CHST10: variants seen among roughly 807,000 people sequenced by gnomAD.
CHST10 encodes carbohydrate sulfotransferase 10.
CHST10 carries 24 observed loss-of-function variants against 34.7 expected under a neutral mutation model. That is an observed-to-expected ratio of 0.69 (90% CI 0.50 to 0.97). The LOEUF (loss-of-function observed/expected upper bound fraction) is 0.97. Ranked by LOEUF, CHST10 falls within the 50% of genes least tolerant of loss-of-function variation. CHST10 has a pLI of 0.00. For synonymous variants in CHST10, 161 were observed against 169.3 expected (o/e 0.95, Z 0.38); for missense variants, 402 against 452.1 (o/e 0.89, Z 1.00).
intron 3 of CHST10, among the ~76,000 whole-genome samples, chr2:100,404,006 G>A (rs752157922): frequency 2.0e-5 from 3 of 152,216 alleles, no homozygotes; most frequent in Non-Finnish European, 4.4e-5. Flanking sequence ...GGCTCTGAGT[G>A]TAAATGCTCT....
In CHST10 at chr2:100,397,899, C is replaced by T. The variant is rs575710643; in HGVS notation, c.427+9G>A. On this transcript the variant is annotated intron_variant, in intron 5 of 6. Coordinates refer to ENST00000264249, the MANE Select transcript of CHST10 (RefSeq NM_004854.5). The stretch of plus-strand genomic sequence containing the variant: ...CTTCCCAGTGGACATTCAGTAGACC[C>T]ACACACACCATTTAGAACAATCAGC... The T allele has an allele frequency of 3.7e-6, 6 of 1,602,176 alleles. No homozygotes were observed. The highest frequency in any genetic ancestry group is 2.3e-5 in the South Asian group (2 of 88,784).
Position 100,415,050 on chromosome 2 carries a change from C to T in CHST10, c.-42G>A. 7.7e-7 allele frequency: 1 copy of T among 1,303,624 alleles called. No individual in the cohort carries two copies. The highest frequency in any genetic ancestry group is 1.0e-6 in the Non-Finnish European group (1 of 988,628). 80.8% of individuals were successfully genotyped at this position (1,303,624 alleles called of 1,614,324 possible). ...ATTCTCCTTCACGTACCTTCTGCAG[C>T]CTGGGGCTCACATTTCCTTGCTGTG... On this transcript the variant is annotated 5_prime_UTR_variant, in exon 2 of 7. Transcript: ENST00000264249.
In CHST10 at chr2:100,392,915, A is replaced by C; in HGVS notation, c.*330T>G. The C allele has an allele frequency of 3.5e-6, 1 of 286,758 alleles. No individual in the cohort carries two copies. Among genetic ancestry groups the C allele is most frequent in the Admixed American group, 4.6e-5 (1 of 21,564 alleles). 17.8% of individuals were successfully genotyped at this position (286,758 alleles called of 1,614,324 possible). A position where few individuals can be genotyped will look rare whatever the true frequency, so the allele number is the denominator to read the frequency against. On this transcript the variant is annotated 3_prime_UTR_variant, in exon 7 of 7. Coordinates refer to ENST00000264249, the MANE Select transcript of CHST10 (RefSeq NM_004854.5). The stretch of plus-strand genomic sequence containing the variant: ...ATCCCCTTCCTTAACACCTGAAGGA[A>C]ACGGCTCCTAACGCTGTGTGATGCT...
chr2:100,415,126 TAAA>T lies in CHST10; in HGVS notation c.-103-18_-103-16del. ...TCCTCTTGTCACTGGATAGGAAAAT[TAAA>T]AAAAAAAAAGCATTATTAAAAGTTA... On this transcript the variant is annotated splice_polypyrimidine_tract_variant and intron_variant, in intron 1 of 6. Transcript: ENST00000264249. 3.0e-6 allele frequency: 3 copies of T among 1,009,676 alleles called. No individual in the cohort carries two copies. Among genetic ancestry groups the T allele is most frequent in the East Asian group, 6.7e-5 (1 of 15,028 alleles). 62.5% of individuals were successfully genotyped at this position (1,009,676 alleles called of 1,614,324 possible). A position where few individuals can be genotyped will look rare whatever the true frequency, so the allele number is the denominator to read the frequency against.
intron 6 of CHST10, 142 bp from the exon 7 acceptor site, chr2:100,393,924 G>A (rs779745266): frequency 2.7e-5 from 17 of 636,230 alleles, no homozygotes; most frequent in South Asian, 1.6e-4. Context: ...CATTCCACAC[G>A]TCTCTTAATC....
At chr2:100,416,040 T>C in intron 1 of CHST10, among the ~76,000 whole-genome samples, 1 of 152,250 alleles carries the variant, frequency 6.6e-6, no homozygotes, top group African/African-American at 2.4e-5. Context: ...TAGTATAGTC[T>C]TATGGGACCA....
chr2:100,401,915 C>T (rs1675359585), intron 4 of CHST10, among the ~76,000 whole-genome samples: 1 of 152,164 alleles, frequency 6.6e-6, no homozygotes, highest in Admixed American at 6.5e-5. Context: ...GGAACAATTG[C>T]AACTTCAACC....
At chr2:100,410,824 C>A (rs1573198826) in intron 2 of CHST10, among the ~76,000 whole-genome samples, 1 of 152,018 alleles carries the variant, frequency 6.6e-6, no homozygotes, top group Non-Finnish European at 1.5e-5. Context: ...TGCCGAAGTC[C>A]AAAAACATTT....
At chr2:100,406,510 C>A in intron 3 of CHST10, 66 bp downstream of exon 3, 1 of 1,587,120 alleles carries the variant, frequency 6.3e-7, no homozygotes, top group Non-Finnish European at 8.6e-7. Context: ...TATGCATGTA[C>A]CTAGGAACAG....
chr2:100,406,807 C>G (rs1573192449), intron 2 of CHST10, 100 bp from the exon 3 acceptor site: 1 of 1,459,244 alleles, frequency 6.9e-7, no homozygotes, highest in East Asian at 2.3e-5. Context: ...AGTATCAGCA[C>G]AAATATTTCC....
intron 1 of CHST10, chr2:100,416,390 T>C (rs1676070792): frequency 6.6e-6 from 1 of 152,304 alleles, no homozygotes; most frequent in South Asian, 2.1e-4. Flanking sequence ...TTTGAGATTC[T>C]ATTCTTCAGG....
intron 4 of CHST10, among the ~76,000 whole-genome samples, chr2:100,401,949 C>G (rs4149516): frequency 0.16 from 23,882 of 152,094 alleles, 4,549 homozygotes; most frequent in African/African-American, 0.45. Flanking sequence ...ATGGGGGTTA[C>G]GAAGTGAGAG....
Position 100,417,657 on chromosome 2 carries a change from T to C in CHST10, c.-387A>G, listed in dbSNP as rs1439564308. Reference sequence around the variant, plus strand: ...CGGCCCCCTCGCGCCTATCCGGCCGTGCGCGCCGCCTGCCCGCGCGCGTCC... The same window carrying C: ...CGGCCCCCTCGCGCCTATCCGGCCGCGCGCGCCGCCTGCCCGCGCGCGTCC... On this transcript the variant is annotated 5_prime_UTR_variant, in exon 1 of 7. Coordinates refer to ENST00000264249, the MANE Select transcript of CHST10 (RefSeq NM_004854.5). 6.6e-6 allele frequency: 1 copy of C among 150,536 alleles called. No homozygotes were observed. The highest frequency in any genetic ancestry group is 2.4e-5 in the African/African-American group (1 of 41,212). 9.3% of individuals were successfully genotyped at this position (150,536 alleles called of 1,614,324 possible). A position where few individuals can be genotyped will look rare whatever the true frequency, so the allele number is the denominator to read the frequency against.
At chr2:100,406,107 T>C (rs1675560856) in intron 3 of CHST10, among the ~76,000 whole-genome samples, 1 of 152,194 alleles carries the variant, frequency 6.6e-6, no homozygotes, top group African/African-American at 2.4e-5. Flanking sequence ...CAAGACAACC[T>C]GAAGACATAC....
chr2:100,399,913 C>T (rs543747051), intron 4 of CHST10, among the ~76,000 whole-genome samples: 43 of 152,274 alleles, frequency 2.8e-4, no homozygotes, highest in African/African-American at 9.9e-4. Flanking sequence ...AGCGGCTGCC[C>T]GGGCCCTCCA....
intron 4 of CHST10, 126 bp downstream of exon 4, chr2:100,402,438 G>C (rs1334719442): frequency 5.6e-6 from 4 of 717,368 alleles, no homozygotes; most frequent in Admixed American, 2.2e-5. Context: ...ACATGGAGAA[G>C]TAACACAGGA....
rs1238464579 is a variant in CHST10 at position 100,395,439 on chromosome 2, G to A, written c.533+70C>T. On this transcript the variant is annotated intron_variant, in intron 6 of 6. Transcript: ENST00000264249. ...ATCTGCCAAGTACAGAACTCAGCCT[G>A]GGGTTTTCCCCAAATTTCTTCTCAG... 5.1e-6 allele frequency: 7 copies of A among 1,373,374 alleles called. No homozygotes were observed. The Admixed American group carries it at 1.2e-4, about 23-fold the overall frequency. The allele number at this position is 1,373,374 out of a possible 1,614,324, so 85.1% of individuals were successfully genotyped here.
Position 100,398,139 on chromosome 2 carries a change from T to C in CHST10, c.196A>G (p.Thr66Ala). The C allele has an allele frequency of 6.2e-7, 1 of 1,610,380 alleles. No homozygotes were observed. Among genetic ancestry groups the C allele is most frequent in the Non-Finnish European group, 8.5e-7 (1 of 1,178,192 alleles). ...TGGCTGTCTGGAAGCTCCTTCCCAG[T>C]TGGCTGCAGGTGACACAGAGCAGAA... ...EKHIPEELKP[T>A]GKELPDSQLV... The change falls in exon 5 of 7, where the codon ACT (threonine) becomes GCT (alanine). Residue 66 changes from threonine to alanine, a missense_variant. Physicochemically the swap from Thr to Ala is moderately conservative, Grantham distance 58. Transcript: ENST00000264249.
intron 5 of CHST10, among the ~76,000 whole-genome samples, chr2:100,397,645 TAA>T (rs1427850030): frequency 6.6e-6 from 1 of 152,168 alleles, no homozygotes; most frequent in Non-Finnish European, 1.5e-5. Flanking sequence ...GCGAGCCACC[TAA>T]AGTGAGGATC....
Sources: gnomAD v4.1 joint callset for allele counts (sites outside exome capture counted in the v4.1 genomes callset) on GRCh38, gnomAD v4.1.1 for gene constraint, MANE v1.5 for transcripts, NCBI Gene and HGNC (gene_info 2026-07-23, HGNC 2026-07-21) for gene names.